The following PHETA1 variants were observed in gnomAD, a reference collection of about 807,000 sequenced individuals.
PHETA1 encodes the protein sesquipedalian-1.
For synonymous variants in PHETA1, 155 were observed against 168.9 expected, an observed-to-expected ratio of 0.92 and a Z score of 0.64; for missense variants, 348 against 373.5, an observed-to-expected ratio of 0.93 and a Z score of 0.56.
chr12:111,366,727 C>A (rs1183471368), intron 1 of PHETA1, among the ~76,000 whole-genome samples: 1 of 152,112 alleles, frequency 6.6e-6, no homozygotes, highest in African/African-American at 2.4e-5. Context: ...TCCAATCACA[C>A]TCCTCCTCTG....
chr12:111,362,471 G>A lies in PHETA1; in HGVS notation c.*207C>T. 3 of 1,304,048 alleles carry A rather than the reference G, an allele frequency of 2.3e-6. No individual in the cohort carries two copies. In the East Asian group the frequency reaches 7.6e-5, roughly 33 times the overall value. The allele number at this position is 1,304,048 out of a possible 1,614,324, so 80.8% of individuals were successfully genotyped here. ...CACGTGACGTTCCCCTCAAGGGTAGGCCTTCTGGGTCACATGGTCCTAAAG... is the reference window on the plus strand; with the variant it reads ...CACGTGACGTTCCCCTCAAGGGTAGACCTTCTGGGTCACATGGTCCTAAAG... On this transcript the variant is annotated 3_prime_UTR_variant, in exon 3 of 3. Transcript: ENST00000683047.
At position 111,367,410 on chromosome 12, in the gene PHETA1, T is replaced by G. The variant is rs1869098653; in HGVS notation, c.-181-1153A>C. ...ACTCACACAGCTGTTTGATTCATTCTGCAGTATCTTCTGAAACCTTTCAAC... is the reference window on the plus strand; with the variant it reads ...ACTCACACAGCTGTTTGATTCATTCGGCAGTATCTTCTGAAACCTTTCAAC... On this transcript the variant is annotated intron_variant, in intron 1 of 2. Coordinates refer to ENST00000683047, the MANE Select transcript of PHETA1 (RefSeq NM_144671.6). This position sits in a 1 kb window ranked among gnomAD's most constrained non-coding sequence, Gnocchi z 4.0. Among the ~76,000 whole-genome samples, 1 of 152,232 alleles carries G rather than the reference T, an allele frequency of 6.6e-6. No homozygotes were observed. The highest frequency in any genetic ancestry group is 2.1e-4 in the South Asian group (1 of 4,830).
rs1869119814 is a variant in PHETA1 at position 111,367,762 on chromosome 12, G to T, written c.-182+1150C>A. ...AAGACAGGAAGCTGCAGGGGCACAG[G>T]CGCCAGCCTTGCCTGGAGCGAAGGC... is the stretch of plus-strand genomic sequence containing the variant. On this transcript the variant is annotated intron_variant, in intron 1 of 2. Transcript: ENST00000683047. This position sits in a 1 kb window ranked among gnomAD's most constrained non-coding sequence, Gnocchi z 4.0. 6.6e-6 allele frequency among the ~76,000 whole-genome samples: 1 copy of T among 152,204 alleles called. No individual in the cohort carries two copies. The highest frequency in any genetic ancestry group is 1.5e-5 in the Non-Finnish European group (1 of 68,040).
At position 111,360,953 on chromosome 12, in the gene PHETA1, C is replaced by CCACCCA. The variant is rs908427780; in HGVS notation, c.*1719_*1724dup. On this transcript the variant is annotated 3_prime_UTR_variant, in exon 3 of 3. Coordinates refer to ENST00000683047, the MANE Select transcript of PHETA1 (RefSeq NM_144671.6). Reference sequence around the variant, plus strand: ...CCCCTCCCATGCCCCAGATCCTGTGCCACCCACACCCACACCACTCAGGAC... The same window carrying CCACCCA: ...CCCCTCCCATGCCCCAGATCCTGTGCCACCCACACCCACACCCACACCACTCAGGAC... The CCACCCA allele has an allele frequency of 3.9e-5, 6 of 152,754 alleles. No homozygotes were observed. The highest frequency in any genetic ancestry group is 1.2e-4 in the African/African-American group (5 of 41,586). The allele number at this position is 152,754 out of a possible 1,614,324, so 9.5% of individuals were successfully genotyped here.
chr12:111,362,382 G>A lies in PHETA1; in HGVS notation c.*296C>T, dbSNP rs984100880. On this transcript the variant is annotated 3_prime_UTR_variant, in exon 3 of 3. Coordinates refer to ENST00000683047, the MANE Select transcript of PHETA1 (RefSeq NM_144671.6). ...CACAGGCCTCTGCCCGGCAGCTCAGGCCAGCCTGGGGCCGGAGTTCTCAGG... is the reference window on the plus strand; with the variant it reads ...CACAGGCCTCTGCCCGGCAGCTCAGACCAGCCTGGGGCCGGAGTTCTCAGG... 12 of 699,420 alleles carry A rather than the reference G, an allele frequency of 1.7e-5. No individual in the cohort carries two copies. The highest frequency in any genetic ancestry group is 2.7e-5 in the Non-Finnish European group (12 of 437,796). 43.3% of individuals were successfully genotyped at this position (699,420 alleles called of 1,614,324 possible).
In PHETA1 at chr12:111,361,525, C is replaced by T. The variant is rs1379803955; in HGVS notation, c.*1153G>A. 1.3e-5 allele frequency: 3 copies of T among 230,334 alleles called. No individual in the cohort carries two copies. Among genetic ancestry groups the T allele is most frequent in the Non-Finnish European group, 1.8e-5 (2 of 113,952 alleles). 14.3% of individuals were successfully genotyped at this position (230,334 alleles called of 1,614,324 possible). A position where few individuals can be genotyped will look rare whatever the true frequency, so the allele number is the denominator to read the frequency against. ...CCAGGGTGAGGGCCAGGAGGTGTCC[C>T]AGCCCCGAGGTTCTCCCTGGATGAA... On this transcript the variant is annotated 3_prime_UTR_variant, in exon 3 of 3. Transcript: ENST00000683047.
At position 111,363,535 on chromosome 12, in the gene PHETA1, T is replaced by G; in HGVS notation, c.-36-72A>C. On this transcript the variant is annotated intron_variant, in intron 2 of 2. Coordinates refer to ENST00000683047, the MANE Select transcript of PHETA1 (RefSeq NM_144671.6). The surrounding 1 kb of genome is among the most constrained non-coding windows in gnomAD (Gnocchi z 7.4). ...GTCACCCAGTGCCCCAAGGGGACCT[T>G]GCAGCCACTCTACATCCCCGTTTCA... 6.5e-7 allele frequency: 1 copy of G among 1,533,964 alleles called. No individual in the cohort carries two copies. The highest frequency in any genetic ancestry group is 8.7e-7 in the Non-Finnish European group (1 of 1,143,758).
Position 111,362,253 on chromosome 12 carries a change from C to G in PHETA1, c.*425G>C, listed in dbSNP as rs564773646. The G allele has an allele frequency of 1.1e-5, 4 of 375,092 alleles. No homozygotes were observed. The highest frequency in any genetic ancestry group is 3.7e-5 in the Admixed American group (1 of 26,922). 23.2% of individuals were successfully genotyped at this position (375,092 alleles called of 1,614,324 possible). The stretch of plus-strand genomic sequence containing the variant: ...ATCCTCCCTCTGTCCACCCTGAAGG[C>G]CTGGTCAGGAGCTGCACTAACTGTG... On this transcript the variant is annotated 3_prime_UTR_variant, in exon 3 of 3. Transcript: ENST00000683047.
Position 111,361,915 on chromosome 12 carries a change from GGAGAGCCCTGT to G in PHETA1, c.*752_*762del. On this transcript the variant is annotated 3_prime_UTR_variant, in exon 3 of 3. Transcript: ENST00000683047. ...TGAAGGATGCAGTCAAGGAGTGTCTGGAGAGCCCTGTGAGAGCCACCACGGAGACACAGACA... is the reference window on the plus strand; with the variant it reads ...TGAAGGATGCAGTCAAGGAGTGTCTGGAGAGCCACCACGGAGACACAGACA... 2.2e-6 allele frequency: 1 copy of G among 456,208 alleles called. No homozygotes were observed. Among genetic ancestry groups the G allele is most frequent in the Admixed American group, 2.3e-5 (1 of 42,580 alleles). 28.3% of individuals were successfully genotyped at this position (456,208 alleles called of 1,614,324 possible). A position where few individuals can be genotyped will look rare whatever the true frequency, so the allele number is the denominator to read the frequency against.
In PHETA1 at chr12:111,360,708, G is replaced by C. The variant is rs963223732; in HGVS notation, c.*1970C>G. On this transcript the variant is annotated 3_prime_UTR_variant, in exon 3 of 3. Transcript: ENST00000683047. Reference sequence around the variant, plus strand: ...TTGACAAAATTTTACTTTAGCCCTTGCATCTCCCTGCCAGGCTGCCGGACA... The same window carrying C: ...TTGACAAAATTTTACTTTAGCCCTTCCATCTCCCTGCCAGGCTGCCGGACA... 1.3e-5 allele frequency: 2 copies of C among 152,650 alleles called. No individual in the cohort carries two copies. Among genetic ancestry groups the C allele is most frequent in the Admixed American group, 1.3e-4 (2 of 15,284 alleles). 9.5% of individuals were successfully genotyped at this position (152,650 alleles called of 1,614,324 possible).
In PHETA1 at chr12:111,363,226, C is replaced by G; in HGVS notation, c.202G>C (p.Val68Leu). The change falls in exon 3 of 3, where the codon GTG (valine) becomes CTG (leucine). Residue 68 changes from valine (V) to leucine (L), a missense_variant. Transcript: ENST00000683047. The surrounding 1 kb of genome is among the most constrained non-coding windows in gnomAD (Gnocchi z 7.4). The part of the protein sequence containing the change: ...VGVIILEGCT[V>L]ELVEAAEEFA... Reference sequence around the variant, plus strand: ...TCCTCGGCGGCCTCCACCAGCTCCACAGTGCAGCCCTCCAGGATGATGACG... The same window carrying G: ...TCCTCGGCGGCCTCCACCAGCTCCAGAGTGCAGCCCTCCAGGATGATGACG... 6.2e-7 allele frequency: 1 copy of G among 1,613,240 alleles called. No homozygotes were observed. The highest frequency in any genetic ancestry group is 1.1e-5 in the South Asian group (1 of 91,080).
chr12:111,362,755 C>T lies in PHETA1; in HGVS notation c.673G>A (p.Ala225Thr), dbSNP rs1006092011. The T allele has an allele frequency of 1.6e-5, 25 of 1,540,916 alleles. No homozygotes were observed. Among genetic ancestry groups the T allele is most frequent in the Non-Finnish European group, 1.8e-5 (21 of 1,144,626 alleles). ...TGGCCATAGCACTCGTGCAGCCGGG[C>T]GAAGGGGGCCATGTCCAGGGGCCCG... ...PHGPLDMAPF[A>T]RLHECYGQEI... is the part of the protein sequence containing the mutation. Residue 225 changes from alanine to threonine, a missense_variant, in exon 3 of 3, where the codon GCC becomes ACC. Ala to Thr is a moderately conservative substitution (Grantham distance 58). Transcript: ENST00000683047.
chr12:111,363,733 A>G lies in PHETA1; in HGVS notation c.-36-270T>C, dbSNP rs1868852063. 1 of 1,496,610 alleles carries G rather than the reference A, an allele frequency of 6.7e-7. No individual in the cohort carries two copies. Among genetic ancestry groups the G allele is most frequent in the Non-Finnish European group, 8.9e-7 (1 of 1,122,152 alleles). The allele number at this position is 1,496,610 out of a possible 1,614,324, so 92.7% of individuals were successfully genotyped here. The stretch of plus-strand genomic sequence containing the variant: ...ATGTTGTGAGTTCCTGCTGCATGCC[A>G]GACATTTCAGAGGAATGAACTCACT... On this transcript the variant is annotated intron_variant, in intron 2 of 2. Transcript: ENST00000683047. This position sits in a 1 kb window ranked among gnomAD's most constrained non-coding sequence, Gnocchi z 7.4.
In PHETA1 at chr12:111,363,088, C is replaced by T. The variant is rs780862863; in HGVS notation, c.340G>A (p.Asp114Asn). 8 of 1,589,594 alleles carry T rather than the reference C, an allele frequency of 5.0e-6. No individual in the cohort carries two copies. The Admixed American group carries it at 5.1e-5, about 10-fold the overall frequency. ...WVKALSRASF[D>N]YLRLVVRELE... ...TCGCGCACCACCAGCCGCAGGTAGT[C>T]GAAGCTGGCACGCGACAGGGCCTTG... Residue 114 changes from aspartate to asparagine, a missense_variant, in exon 3 of 3, where the codon GAC (aspartate) becomes AAC (asparagine). Asp to Asn is a conservative substitution (Grantham distance 23, BLOSUM62 1). Coordinates refer to ENST00000683047, the MANE Select transcript of PHETA1 (RefSeq NM_144671.6). This position sits in a 1 kb window ranked among gnomAD's most constrained non-coding sequence, Gnocchi z 7.4.
Position 111,363,184 on chromosome 12 carries a change from G to T in PHETA1, c.244C>A (p.Arg82Ser). The part of the protein sequence containing the change: ...EAAEEFAFAV[R>S]FAGTRARTYV... ...GTGCGCGCCCGGGTCCCCGCAAAGC[G>T]CACAGCGAAGGCGAACTCCTCGGCG... The change falls in exon 3 of 3, where the codon CGC becomes AGC. Residue 82 changes from arginine to serine, a missense_variant. Arg to Ser is a moderately radical substitution (Grantham distance 110). Transcript: ENST00000683047. The surrounding 1 kb of genome is among the most constrained non-coding windows in gnomAD (Gnocchi z 7.4). 3 of 1,612,712 alleles carry T rather than the reference G, an allele frequency of 1.9e-6. No homozygotes were observed. The South Asian group carries it at 3.3e-5, about 18-fold the overall frequency.
rs1307792776 is a variant in PHETA1, at chr12:111,362,745, T to G, written c.683A>C (p.His228Pro). 6.5e-7 allele frequency: 1 copy of G among 1,543,176 alleles called. No individual in the cohort carries two copies. Residue 228 changes from histidine to proline, a missense_variant, in exon 3 of 3, where the codon CAC becomes CCC. His to Pro is a moderately conservative substitution (Grantham distance 77). Transcript: ENST00000683047. ...CCGGATCTCCTGGCCATAGCACTCGTGCAGCCGGGCGAAGGGGGCCATGTC... is the reference window on the plus strand; with the variant it reads ...CCGGATCTCCTGGCCATAGCACTCGGGCAGCCGGGCGAAGGGGGCCATGTC... ...PLDMAPFARL[H>P]ECYGQEIRAL...
In PHETA1 at chr12:111,363,556, T is replaced by A; in HGVS notation, c.-36-93A>T. 1 of 1,531,408 alleles carries A rather than the reference T, an allele frequency of 6.5e-7. No individual in the cohort carries two copies. Among genetic ancestry groups the A allele is most frequent in the South Asian group, 1.2e-5 (1 of 83,234 alleles). 94.9% of individuals were successfully genotyped at this position (1,531,408 alleles called of 1,614,324 possible). A position where few individuals can be genotyped will look rare whatever the true frequency, so the allele number is the denominator to read the frequency against. The stretch of plus-strand genomic sequence containing the variant: ...ACCTTGCAGCCACTCTACATCCCCG[T>A]TTCACAGATGAGGAAACTGACGCTC... On this transcript the variant is annotated intron_variant, in intron 2 of 2. Transcript: ENST00000683047. The surrounding 1 kb of genome is among the most constrained non-coding windows in gnomAD (Gnocchi z 7.4).
rs1374884588 is a variant in PHETA1, at chr12:111,363,026, ACCCCCGC to A, written c.395_401del (p.Gly132ValfsTer169). 2.1e-6 allele frequency: 2 copies of A among 936,824 alleles called. No homozygotes were observed. Among genetic ancestry groups the A allele is most frequent in the East Asian group, 2.8e-4 (1 of 3,620 alleles). The allele number at this position is 936,824 out of a possible 1,614,324, so 58.0% of individuals were successfully genotyped here. ...GCTGGGGCTGGGGCAGGGCCATGCC[ACCCCCGC>A]CACGTACAGCCGCCAGCTGCTGCTC... is the stretch of plus-strand genomic sequence containing the variant. On this transcript the variant is annotated frameshift_variant, in exon 3 of 3. Transcript: ENST00000683047. LOFTEE classifies it low-confidence loss of function (END_TRUNC). The surrounding 1 kb of genome is among the most constrained non-coding windows in gnomAD (Gnocchi z 7.4).
chr12:111,365,602 T>C (rs767460354), intron 2 of PHETA1: 1 of 451,824 alleles, frequency 2.2e-6, no homozygotes, highest in Non-Finnish European at 4.4e-6. Context: ...AATGAGATCA[T>C]GTCCTTTGCG....
Sources: allele counts gnomAD v4.1 joint callset (sites outside exome capture counted in the v4.1 genomes callset), GRCh38; gene constraint gnomAD v4.1.1; non-coding constraint Gnocchi (gnomAD v3.1); transcripts MANE v1.5; gene names NCBI Gene and HGNC (gene_info 2026-07-23, HGNC 2026-07-21).